The following WDFY3 variants were observed in gnomAD, a reference collection of about 807,000 sequenced individuals.
WDFY3 encodes WD repeat and FYVE domain-containing protein 3.
A neutral mutation model predicts 409.6 loss-of-function variants in WDFY3; 66 were observed. The observed-to-expected ratio is 0.16, with a 90% CI of 0.13 to 0.20. WDFY3 has a LOEUF of 0.20. WDFY3 is among the 10% of genes least tolerant of loss of function. The pLI is 1.00. For synonymous variants in WDFY3, 1,521 were observed against 1,537.1 expected (o/e 0.99, Z 0.25); for missense variants, 3,031 against 4,298.1 (o/e 0.71, Z 8.24).
At chr4:84,763,629 C>G (rs1743100483) in intron 32 of WDFY3, among the ~76,000 whole-genome samples, 1 of 151,070 alleles carries the variant, frequency 6.6e-6, no homozygotes, top group East Asian at 1.9e-4. Flanking sequence ...AAAAGGTTGC[C>G]ATTCCGATCA....
intron 56 of WDFY3, among the ~76,000 whole-genome samples, chr4:84,697,641 C>A (rs1442068649): frequency 6.6e-6 from 1 of 152,118 alleles, no homozygotes; most frequent in Non-Finnish European, 1.5e-5. Flanking sequence ...GGGTGTTTTT[C>A]TTCTTTTTGA....
rs143491889 is a variant in WDFY3, at chr4:84,681,432, T to C, written c.9823+942A>G. On this transcript the variant is annotated intron_variant, in intron 64 of 67. Transcript: ENST00000295888. ...ATGTCCCCAAACACCCAGATGACCT[T>C]TTTGGTGGGGCTGTAATTAGAAATT... 8.9e-3 allele frequency among the ~76,000 whole-genome samples: 1,354 copies of C among 152,260 alleles called. 16 individuals are homozygous for C. The highest frequency in any genetic ancestry group is 0.031 in the African/African-American group (1,293 of 41,558).
At chr4:84,772,813 C>T (rs770145743) in intron 30 of WDFY3, 22 bp downstream of exon 30, 2 of 1,594,124 alleles carry the variant, frequency 1.3e-6, no homozygotes, top group South Asian at 1.1e-5. Context: ...ACTATCTTCT[C>T]CAAGCTCCAG....
At chr4:84,695,596 T>C (rs1430312420) in intron 58 of WDFY3, among the ~76,000 whole-genome samples, 1 of 147,876 alleles carries the variant, frequency 6.8e-6, no homozygotes. Context: ...CAGAATGAAC[T>C]TCTAAAGTTT....
At chr4:84,786,826 G>A (rs1311412368) in intron 23 of WDFY3, among the ~76,000 whole-genome samples, 3 of 152,114 alleles carry the variant, frequency 2.0e-5, no homozygotes, top group Non-Finnish European at 4.4e-5. Context: ...GCTTTTATTA[G>A]ATACCATCTA....
chr4:84,810,156 C>G lies in WDFY3; in HGVS notation c.2076G>C (p.Leu692Phe). ...FELLHTVFCT[L>F]TAAMRYEPAN... ...CTGGCTCATAGCGCATTGCTGCAGT[C>G]AACGTGCAGAACACAGTGTGAAGAA... Residue 692 changes from leucine (L) to phenylalanine (F), a missense_variant, in exon 14 of 68, where the codon TTG becomes TTC. By Grantham distance (22) the Leu-to-Phe change is conservative (BLOSUM62 0). Around this residue, in one of 16 missense-constraint regions of WDFY3, gnomAD observed 1,322 missense variants for 1,697.9 expected, o/e 0.78. Coordinates refer to ENST00000295888, the MANE Select transcript of WDFY3 (RefSeq NM_014991.6). 1 of 1,614,094 alleles carries G rather than the reference C, an allele frequency of 6.2e-7. No homozygotes were observed. Among genetic ancestry groups the G allele is most frequent in the Non-Finnish European group, 8.5e-7 (1 of 1,179,982 alleles).
intron 7 of WDFY3, 29 bp from the exon 8 acceptor site, chr4:84,831,634 G>C: frequency 1.3e-6 from 2 of 1,560,124 alleles, no homozygotes; most frequent in South Asian, 1.2e-5. Context: ...CAAAACAAGA[G>C]TGTATAAGCA....
chr4:84,948,885 T>C (rs1773240551), intron 1 of WDFY3, among the ~76,000 whole-genome samples: 1 of 152,114 alleles, frequency 6.6e-6, no homozygotes, highest in African/African-American at 2.4e-5. Context: ...CACTCATACA[T>C]ATATAAGCAT....
intron 39 of WDFY3, among the ~76,000 whole-genome samples, chr4:84,739,562 T>C (rs1186213499): frequency 6.6e-6 from 1 of 152,154 alleles, no homozygotes; most frequent in Non-Finnish European, 1.5e-5. Flanking sequence ...TTTCCTCCAG[T>C]AGCAGTTGTC....
intron 64 of WDFY3, among the ~76,000 whole-genome samples, chr4:84,680,506 T>C (rs1250547642): frequency 6.6e-6 from 1 of 152,210 alleles, no homozygotes; most frequent in Admixed American, 6.5e-5. Flanking sequence ...TTTGTTCTTC[T>C]TCCTCTTTTC....
At chr4:84,842,645 G>A (rs1275455763) in intron 5 of WDFY3, among the ~76,000 whole-genome samples, 1 of 152,002 alleles carries the variant, frequency 6.6e-6, no homozygotes, top group Non-Finnish European at 1.5e-5. Context: ...AGCCGAGTGT[G>A]GTGGTGGGCA....
At chr4:84,842,424 C>G (rs143434940) in intron 5 of WDFY3, among the ~76,000 whole-genome samples, 55 of 151,444 alleles carry the variant, frequency 3.6e-4, no homozygotes, top group African/African-American at 1.3e-3. Context: ...TTGCTGTGAG[C>G]CAAGATCACG....
At chr4:84,951,629 A>G (rs1341763271) in intron 1 of WDFY3, among the ~76,000 whole-genome samples, 1 of 152,238 alleles carries the variant, frequency 6.6e-6, no homozygotes, top group African/African-American at 2.4e-5. Flanking sequence ...ACAAAACTCA[A>G]AAAAGCACAC....
At chr4:84,855,540 G>A (rs1159397207) in intron 4 of WDFY3, among the ~76,000 whole-genome samples, 2 of 152,064 alleles carry the variant, frequency 1.3e-5, no homozygotes, top group South Asian at 4.2e-4. Flanking sequence ...ATATAAACTT[G>A]TTACTGAATA....
chr4:84,746,706 C>T (rs955746758), intron 36 of WDFY3, among the ~76,000 whole-genome samples: 2 of 152,064 alleles, frequency 1.3e-5, no homozygotes, highest in African/African-American at 4.8e-5. Flanking sequence ...GCATTATTGT[C>T]TCGGAGGTGT....
chr4:84,843,107 G>A (rs189170914), intron 5 of WDFY3, among the ~76,000 whole-genome samples: 227 of 152,258 alleles, frequency 1.5e-3, no homozygotes, highest in African/African-American at 5.0e-3. Context: ...AACCCTGTGA[G>A]TTATTTTCTA....
intron 1 of WDFY3, among the ~76,000 whole-genome samples, chr4:84,958,985 T>C (rs558040351): frequency 1.3e-4 from 20 of 152,348 alleles, no homozygotes; most frequent in Middle Eastern, 6.8e-3. Context: ...ACAGTTATAA[T>C]AATATAGTAT....
intron 3 of WDFY3, among the ~76,000 whole-genome samples, chr4:84,887,172 TGAA>T (rs1400413685): frequency 6.6e-6 from 1 of 152,046 alleles, no homozygotes; most frequent in East Asian, 1.9e-4. Flanking sequence ...GCAAAGATTA[TGAA>T]GAATGATAAA....
rs745629975 is a variant in WDFY3 at position 84,691,705 on chromosome 4, G to C, written c.9130C>G (p.Pro3044Ala). Residue 3044 changes from proline (P) to alanine (A), a missense_variant, in exon 60 of 68, where the codon CCA (proline) becomes GCA (alanine). Pro to Ala is a conservative substitution (Grantham distance 27, BLOSUM62 -1). Around this residue, in one of 16 missense-constraint regions of WDFY3, gnomAD observed 152 missense variants for 193.5 expected, o/e 0.79. Coordinates refer to ENST00000295888, the MANE Select transcript of WDFY3 (RefSeq NM_014991.6). ...AVEQNKVLIP[P>A]TWNKTFAWGY... Reference sequence around the variant, plus strand: ...CAAGCAAAAGTTTTATTCCAGGTTGGTGGGATAAGAACCTTATTCTGTTCC... The same window carrying C: ...CAAGCAAAAGTTTTATTCCAGGTTGCTGGGATAAGAACCTTATTCTGTTCC... 47 of 1,614,006 alleles carry C rather than the reference G, an allele frequency of 2.9e-5. No homozygotes were observed. Among genetic ancestry groups the C allele is most frequent in the Non-Finnish European group, 3.9e-5 (46 of 1,180,022 alleles).
Sources: gnomAD v4.1 joint callset for allele counts (sites outside exome capture counted in the v4.1 genomes callset) on GRCh38, gnomAD v4.1.1 for gene constraint, gnomAD v4.1.1 regional missense constraint, MANE v1.5 for transcripts, NCBI Gene and HGNC (gene_info 2026-07-23, HGNC 2026-07-21) for gene names.